GOLGA3: variants seen among roughly 807,000 people sequenced by gnomAD.
The protein encoded by GOLGA3 is golgin subfamily A member 3.
GOLGA3 carries 75 observed loss-of-function variants against 169.4 expected under a neutral mutation model. That is an observed-to-expected ratio of 0.44 (90% CI 0.37 to 0.54). The LOEUF (loss-of-function observed/expected upper bound fraction) is 0.54. Among genes scored for constraint, GOLGA3 ranks in the 20% least tolerant of loss-of-function variants. GOLGA3 has a pLI of 0.00. For synonymous variants in GOLGA3, 824 were observed against 822.4 expected (o/e 1.00, Z -0.03); for missense variants, 1,899 against 1,930.0 (o/e 0.98, Z 0.30).
rs940832700 is a variant in GOLGA3 at position 132,789,389 on chromosome 12, C to T, written c.2548-99G>A. The T allele has an allele frequency of 1.2e-5, 12 of 1,014,802 alleles. No homozygotes were observed. The Middle Eastern group carries it at 9.6e-4, about 82-fold the overall frequency. 62.9% of individuals were successfully genotyped at this position (1,014,802 alleles called of 1,614,324 possible). ...TTCAACAAAAATGTTTACCACTTAT[C>T]GGGGGCATAACTTTTTTGAGGTAAA... On this transcript the variant is annotated intron_variant, in intron 12 of 23. Transcript: ENST00000450791.
chr12:132,788,905 GCCCCGACCCAGACAGA>G (rs1187382382), intron 13 of GOLGA3, 106 bp downstream of exon 13: 19 of 381,362 alleles, frequency 5.0e-5, no homozygotes, highest in Non-Finnish European at 6.3e-5. Flanking sequence ...CCAGACACAG[GCCCCGACCCAGACAGA>G]CCCCGCCCCA....
intron 15 of GOLGA3, among the ~76,000 whole-genome samples, chr12:132,784,757 C>T (rs1235050576): frequency 8.3e-6 from 1 of 120,034 alleles, no homozygotes; most frequent in Non-Finnish European, 2.0e-5. Flanking sequence ...GCTCACACCC[C>T]ACGTGTTCAC....
rs191428702 is a variant in GOLGA3 at position 132,780,782 on chromosome 12, G to A, written c.3582+16C>T. ...CGTCCTCTGGAACGCCCTGTGAGAC[G>A]GAAGGTGGCACGCACCTGCTCCTTG... On this transcript the variant is annotated intron_variant, in intron 18 of 23. Coordinates refer to ENST00000450791, the MANE Select transcript of GOLGA3 (RefSeq NM_001389683.1). 2.5e-3 allele frequency: 3,813 copies of A among 1,516,810 alleles called. 7 individuals are homozygous for A. Among genetic ancestry groups the A allele is most frequent in the Non-Finnish European group, 3.2e-3 (3,549 of 1,095,736 alleles). The allele number at this position is 1,516,810 out of a possible 1,614,324, so 94.0% of individuals were successfully genotyped here.
chr12:132,804,009 C>T lies in GOLGA3; in HGVS notation c.1597+707G>A, dbSNP rs1419957682. Among the ~76,000 whole-genome samples the T allele has an allele frequency of 1.3e-5, 2 of 152,216 alleles. No homozygotes were observed. Among genetic ancestry groups the T allele is most frequent in the Non-Finnish European group, 2.9e-5 (2 of 68,040 alleles). On this transcript the variant is annotated intron_variant, in intron 7 of 23. Coordinates refer to ENST00000450791, the MANE Select transcript of GOLGA3 (RefSeq NM_001389683.1). This position sits in a 1 kb window ranked among gnomAD's most constrained non-coding sequence, Gnocchi z 4.1. ...CACAGTCTTCTCCGTGTCTGCTGGG[C>T]ACTGGAGTGTGAGCTCTGGGACTGG...
chr12:132,786,473 T>G lies in GOLGA3; in HGVS notation c.2989A>C (p.Lys997Gln). The G allele has an allele frequency of 6.2e-7, 1 of 1,613,730 alleles. No individual in the cohort carries two copies. ...ATGCCCACGGCGTTCTCGTAGGCCT[T>G]ATGTTTGGTCTTCATCTCCTTCTGG... ...SAQKEMKTKH[K>Q]AYENAVGILS... The change falls in exon 15 of 24, where the codon AAG (lysine) becomes CAG (glutamine). Residue 997 changes from lysine (K) to glutamine (Q), a missense_variant. Transcript: ENST00000450791.
chr12:132,820,290 G>A (rs1050929726), intron 2 of GOLGA3, among the ~76,000 whole-genome samples: 3 of 151,704 alleles, frequency 2.0e-5, no homozygotes, highest in East Asian at 1.9e-4. Flanking sequence ...CGTGAGCTAT[G>A]ATTACACCAC....
Position 132,774,207 on chromosome 12 carries a change from G to T in GOLGA3, c.4257C>A (p.Ala1419=), listed in dbSNP as rs537918564. 4 of 1,609,250 alleles carry T rather than the reference G, an allele frequency of 2.5e-6. No homozygotes were observed. Among genetic ancestry groups the T allele is most frequent in the Admixed American group, 1.7e-5 (1 of 59,952 alleles). Reference sequence around the variant, plus strand: ...GGTTCTTGAGGGGCTCCTTGCTCACGGCGGGCGGTGGTCTCAGCAGCTCCT... The same window carrying T: ...GGTTCTTGAGGGGCTCCTTGCTCACTGCGGGCGGTGGTCTCAGCAGCTCCT... The part of the protein sequence containing the change: ...LLEELLRPPP[A]VSKEPLKNLN... The change falls in exon 23 of 24, where the codon GCC becomes GCA. Residue 1419 remains alanine (A), a synonymous_variant. Transcript: ENST00000450791.
intron 21 of GOLGA3, 106 bp from the exon 22 acceptor site, chr12:132,775,411 C>T (rs1003700473): frequency 9.4e-5 from 93 of 984,148 alleles, no homozygotes; most frequent in Non-Finnish European, 1.4e-4. Context: ...TCCTCCTCGG[C>T]GCCATCTAGA....
intron 8 of GOLGA3, among the ~76,000 whole-genome samples, chr12:132,799,847 T>A (rs1035470467): frequency 6.6e-6 from 1 of 151,828 alleles, no homozygotes; most frequent in African/African-American, 2.4e-5. Flanking sequence ...TTCAAGCACA[T>A]CTCATGCCTC....
At chr12:132,828,713 CCCT>C (rs1566161003) in intron 1 of GOLGA3, 87 bp downstream of exon 1, 37 of 3,024 alleles carry the variant, frequency 0.012, no homozygotes, top group African/African-American at 0.015. Flanking sequence ...CCGCCGCCGC[CCCT>C]CGAGCCTCCC....
intron 16 of GOLGA3, 192 bp downstream of exon 16, chr12:132,783,972 T>C: frequency 6.8e-7 from 1 of 1,471,348 alleles, no homozygotes; most frequent in South Asian, 1.4e-5. Flanking sequence ...ACAGTGATCC[T>C]CCCCAGAGGG....
chr12:132,822,100 C>A lies in GOLGA3; in HGVS notation c.29G>T (p.Gly10Val). The A allele has an allele frequency of 6.2e-7, 1 of 1,607,768 alleles. No homozygotes were observed. The highest frequency in any genetic ancestry group is 8.5e-7 in the Non-Finnish European group (1 of 1,177,774). ...ACTGTGGGATCTGTCCTCCTGGAGG[C>A]CATCTTGCTCGGCCGACGCGCCGTC... MDGASAEQD[G>V]LQEDRSHSGP... Residue 10 changes from glycine to valine, a missense_variant, in exon 2 of 24, where the codon GGC (glycine) becomes GTC (valine). By Grantham distance (109) the Gly-to-Val change is moderately radical. Transcript: ENST00000450791.
chr12:132,829,003 T>C (rs1950537629), upstream of GOLGA3: 2 of 152,280 alleles, frequency 1.3e-5, no homozygotes, highest in African/African-American at 2.4e-5. Flanking sequence ...GCCCACAGGG[T>C]CCGGATCGAG....
Position 132,808,046 on chromosome 12 carries a change from G to A in GOLGA3, c.1023C>T (p.Thr341=), listed in dbSNP as rs1949507876. The A allele has an allele frequency of 6.2e-7, 1 of 1,603,892 alleles. No homozygotes were observed. The highest frequency in any genetic ancestry group is 8.5e-7 in the Non-Finnish European group (1 of 1,174,112). The change falls in exon 5 of 24, where the codon ACC becomes ACT. Residue 341 remains threonine, a synonymous_variant. Transcript: ENST00000450791. ...ILSKTVGTQD[T]PYMVNGQEIP... Reference sequence around the variant, plus strand: ...TCTCCTGGCCGTTGACCATATAGGGGGTGTCCTGCGTGCCCACTGTCTTCG... The same window carrying A: ...TCTCCTGGCCGTTGACCATATAGGGAGTGTCCTGCGTGCCCACTGTCTTCG...
rs143359233 is a variant in GOLGA3, at chr12:132,786,788, C to T, written c.2812-1G>A. 1.0e-4 allele frequency: 161 copies of T among 1,606,316 alleles called. No individual in the cohort carries two copies. In the East Asian group the frequency reaches 1.1e-3, roughly 11 times the overall value. ...TCTGCTCCTTATCGAACTGCAACGA[C>T]TGTGGAAGGGAAGGAGGGCGTGAGG... On this transcript the variant is annotated splice_acceptor_variant, in intron 13 of 23. Transcript: ENST00000450791. LOFTEE classifies it high-confidence loss of function.
intron 6 of GOLGA3, among the ~76,000 whole-genome samples, chr12:132,806,534 G>A (rs1006836076): frequency 1.3e-5 from 2 of 152,226 alleles, no homozygotes. Flanking sequence ...CGGACACTGT[G>A]AGCAGCTCCA....
rs2306546 is a variant in GOLGA3, at chr12:132,782,284, G to T, written c.3465+12C>A. The T allele has an allele frequency of 5.6e-6, 9 of 1,607,150 alleles. No homozygotes were observed. Among genetic ancestry groups the T allele is most frequent in the Non-Finnish European group, 7.7e-6 (9 of 1,174,318 alleles). On this transcript the variant is annotated intron_variant, in intron 17 of 23. Coordinates refer to ENST00000450791, the MANE Select transcript of GOLGA3 (RefSeq NM_001389683.1). ...ACACCGTTGCTGGCGTGAGTTTGACGAGTTTGAATACCTGAAGGTTCAACT... is the reference window on the plus strand; with the variant it reads ...ACACCGTTGCTGGCGTGAGTTTGACTAGTTTGAATACCTGAAGGTTCAACT...
chr12:132,810,074 C>T (rs1407089143), intron 4 of GOLGA3, among the ~76,000 whole-genome samples: 1 of 152,056 alleles, frequency 6.6e-6, no homozygotes, highest in South Asian at 2.1e-4. Flanking sequence ...TTGAAACCCC[C>T]GTCTCTACTA....
rs2046217070 is a variant in GOLGA3 at position 132,791,270 on chromosome 12, A to G, written c.2493T>C (p.Thr831=). 6.2e-7 allele frequency: 1 copy of G among 1,606,618 alleles called. No homozygotes were observed. The highest frequency in any genetic ancestry group is 8.5e-7 in the Non-Finnish European group (1 of 1,174,644). Reference sequence around the variant, plus strand: ...TTTGCATTTGCTTTTTCAGAGCAGCAGTCTCCTGCTGCAGGTGTTCCACCT... The same window carrying G: ...TTTGCATTTGCTTTTTCAGAGCAGCGGTCTCCTGCTGCAGGTGTTCCACCT... The part of the protein sequence containing the change: ...SGQVEHLQQE[T]AALKKQMQKI... The change falls in exon 12 of 24, where the codon ACT becomes ACC. Residue 831 remains threonine (T), a synonymous_variant. Coordinates refer to ENST00000450791, the MANE Select transcript of GOLGA3 (RefSeq NM_001389683.1).
Sources: allele counts gnomAD v4.1 joint callset (sites outside exome capture counted in the v4.1 genomes callset), GRCh38; gene constraint gnomAD v4.1.1; non-coding constraint Gnocchi (gnomAD v3.1); transcripts MANE v1.5; gene names NCBI Gene and HGNC (gene_info 2026-07-23, HGNC 2026-07-21).